USH2A: variants seen among roughly 807,000 people sequenced by gnomAD.
USH2A encodes the protein Usher syndrome 2A (autosomal recessive, mild).
USH2A carries 443 observed loss-of-function variants against 538.9 expected under a neutral mutation model. That is an observed-to-expected ratio of 0.82 (90% confidence interval 0.76 to 0.89). USH2A has a LOEUF of 0.89. Ranked by LOEUF, USH2A falls within the 40% of genes least tolerant of loss-of-function variation. The pLI is 0.00. For missense variants in USH2A, 6,633 were observed against 6,324.8 expected (o/e 1.05, Z -1.65); for synonymous variants, 2,413 against 2,273.5 (o/e 1.06, Z -1.75).
intron 71 of USH2A, among the ~76,000 whole-genome samples, chr1:215,627,493 C>CTTCCTTCCTTCTTTCCTTCCTTCT (rs1656096021): frequency 7.4e-6 from 1 of 134,674 alleles, no homozygotes; most frequent in African/African-American, 2.8e-5. Context: ...TCTTTCCTTC[C>CTTCCTTCCTTCTTTCCTTCCTTCT]TTCCTTCCTT....
intron 11 of USH2A, among the ~76,000 whole-genome samples, chr1:216,255,465 C>T (rs150011487): frequency 6.6e-6 from 1 of 152,286 alleles, no homozygotes; most frequent in African/African-American, 2.4e-5. Flanking sequence ...CTTAATTCCT[C>T]TTTGGGTTTC....
intron 3 of USH2A, among the ~76,000 whole-genome samples, chr1:216,383,990 C>A (rs1194023730): frequency 1.3e-5 from 2 of 151,488 alleles, no homozygotes; most frequent in African/African-American, 4.8e-5. Context: ...CATGGGGCAC[C>A]ACACCCAGCC....
intron 32 of USH2A, among the ~76,000 whole-genome samples, chr1:216,012,353 A>G (rs1474452934): frequency 3.3e-5 from 5 of 152,070 alleles, no homozygotes; most frequent in African/African-American, 7.2e-5. Flanking sequence ...CATCAAGCTC[A>G]AGGATTTGCC....
intron 30 of USH2A, among the ~76,000 whole-genome samples, chr1:216,053,417 T>C (rs2030863887): frequency 6.6e-6 from 1 of 151,966 alleles, no homozygotes; most frequent in Admixed American, 6.6e-5. Flanking sequence ...TTGGTTTGGT[T>C]GTGAATCTCT....
chr1:215,964,635 G>T (rs1299568503), intron 37 of USH2A, among the ~76,000 whole-genome samples: 1 of 152,116 alleles, frequency 6.6e-6, no homozygotes, highest in Non-Finnish European at 1.5e-5. Flanking sequence ...AAATAGTAAG[G>T]CCACTCCTGG....
At chr1:215,691,136 C>T (rs1429398240) in intron 61 of USH2A, among the ~76,000 whole-genome samples, 1 of 152,130 alleles carries the variant, frequency 6.6e-6, no homozygotes, top group Admixed American at 6.5e-5. Flanking sequence ...CCCTCCTCGG[C>T]CTCCCAAAGT....
chr1:215,743,386 ATGTGTGTGTGTGTGTGTGTG>A (rs61304768), intron 58 of USH2A, 51 bp from the exon 59 acceptor site: 20 of 328,462 alleles, frequency 6.1e-5, no homozygotes, highest in Non-Finnish European at 8.6e-5. Flanking sequence ...ATATATATAT[ATGTGTGTGTGTGTGTGTGTG>A]TGTGTGTGTG....
Position 215,674,564 on chromosome 1 carries a change from A to G in USH2A, c.13347T>C (p.Ser4449=), listed in dbSNP as rs1478968231. ...TMEALPENMD[S]PTLQVTGSES... ...CTGAGCCTGTGACTTGCAATGTTGG[A>G]GAGTCCATGTTCTCTGGCAGGGCCT... The change falls in exon 63 of 72, where the codon TCT becomes TCC. Residue 4449 remains serine, a synonymous_variant. Transcript: ENST00000307340. 1.2e-6 allele frequency: 2 copies of G among 1,613,846 alleles called. No individual in the cohort carries two copies. Among genetic ancestry groups the G allele is most frequent in the Non-Finnish European group, 1.7e-6 (2 of 1,179,928 alleles).
intron 11 of USH2A, among the ~76,000 whole-genome samples, chr1:216,256,702 A>C (rs2036266117): frequency 6.6e-6 from 1 of 152,016 alleles, no homozygotes; most frequent in Non-Finnish European, 1.5e-5. Context: ...ACAAATAGTA[A>C]ATACATTTTC....
At chr1:215,756,975 A>G (rs1271171021) in intron 58 of USH2A, among the ~76,000 whole-genome samples, 1 of 152,024 alleles carries the variant, frequency 6.6e-6, no homozygotes, top group African/African-American at 2.4e-5. Flanking sequence ...AAATTAAACA[A>G]AAGTAGAAAT....
At chr1:216,164,942 TG>T (rs753678596) in intron 21 of USH2A, among the ~76,000 whole-genome samples, 10 of 152,108 alleles carry the variant, frequency 6.6e-5, no homozygotes, top group Non-Finnish European at 1.2e-4. Context: ...AGTTTCACAC[TG>T]GGGGAATGAC....
chr1:216,205,762 G>C (rs1010705942), intron 16 of USH2A, among the ~76,000 whole-genome samples: 11 of 152,252 alleles, frequency 7.2e-5, no homozygotes, highest in Middle Eastern at 3.4e-3. Context: ...TTGCTGTTCC[G>C]AGGTTTCTTA....
intron 51 of USH2A, 134 bp downstream of exon 51, chr1:215,789,925 A>T: frequency 2.5e-6 from 2 of 790,730 alleles, no homozygotes; most frequent in Non-Finnish European, 2.1e-6. Context: ...ATTCGGTATT[A>T]ATATGGATGT....
rs953693994 is a variant in USH2A, at chr1:215,697,111, C to T, written c.12067-16735G>A. 4.4e-5 allele frequency among the ~76,000 whole-genome samples: 6 copies of T among 137,546 alleles called. No individual in the cohort carries two copies. In the East Asian group the frequency reaches 1.4e-3, roughly 32 times the overall value. 90.2% of individuals were successfully genotyped at this position (137,546 alleles called of 152,430 possible). A position where few individuals can be genotyped will look rare whatever the true frequency, so the allele number is the denominator to read the frequency against. ...GGGACTACAGGCATGTGCCACCAGG[C>T]CCAGCTAATTTTTTTTTTTGTATTT... On this transcript the variant is annotated intron_variant, in intron 61 of 71. Transcript: ENST00000307340.
chr1:216,280,564 T>G (rs927752883), intron 11 of USH2A, among the ~76,000 whole-genome samples: 1 of 152,170 alleles, frequency 6.6e-6, no homozygotes, highest in Admixed American at 6.6e-5. Flanking sequence ...ACTCTTCATT[T>G]TCCTCTCTCC....
chr1:216,216,981 C>T (rs1292651360), intron 15 of USH2A, among the ~76,000 whole-genome samples: 1 of 151,868 alleles, frequency 6.6e-6, no homozygotes, highest in Non-Finnish European at 1.5e-5. Flanking sequence ...AGAATTCACC[C>T]TTTATTTGTC....
At chr1:216,065,453 AT>A (rs1571929152) in intron 30 of USH2A, among the ~76,000 whole-genome samples, 1 of 152,252 alleles carries the variant, frequency 6.6e-6, no homozygotes, top group Non-Finnish European at 1.5e-5. Flanking sequence ...TACATAAAAT[AT>A]TTTTTAAATC....
chr1:215,781,043 A>G (rs1474020038), intron 54 of USH2A, among the ~76,000 whole-genome samples: 1 of 152,020 alleles, frequency 6.6e-6, no homozygotes, highest in Admixed American at 6.6e-5. Context: ...TTACTCCCAC[A>G]TTGTTTGATT....
intron 47 of USH2A, among the ~76,000 whole-genome samples, chr1:215,822,219 G>A (rs184770060): frequency 2.6e-5 from 4 of 151,874 alleles, no homozygotes; most frequent in Non-Finnish European, 1.5e-5. Flanking sequence ...GGGTAAAATT[G>A]TCATTTTAAT....
Sources: gnomAD v4.1 joint callset for allele counts (sites outside exome capture counted in the v4.1 genomes callset) on GRCh38, gnomAD v4.1.1 for gene constraint, MANE v1.5 for transcripts, NCBI Gene and HGNC (gene_info 2026-07-23, HGNC 2026-07-21) for gene names.